The following FGF10 variants were observed in gnomAD, a reference collection of about 807,000 sequenced individuals.
FGF10 encodes the protein fibroblast growth factor 10.
FGF10 carries 2 observed loss-of-function variants against 19.8 expected under a neutral mutation model. That is an observed-to-expected ratio of 0.10 (90% confidence interval 0.04 to 0.32). The LOEUF (loss-of-function observed/expected upper bound fraction) is 0.32, where lower values mean the gene tolerates loss of function less well. FGF10 is among the 10% of genes least tolerant of loss of function. FGF10 has a pLI of 1.00. For synonymous variants in FGF10, 112 were observed against 94.0 expected, an observed-to-expected ratio of 1.19 and a Z score of -1.10; for missense variants, 191 against 246.3, an observed-to-expected ratio of 0.78 and a Z score of 1.50.
rs560392396 is a variant in FGF10, at chr5:44,310,251, T to C, written c.429+176A>G. ...ACTAATGGGTGAACAACAGAGGAGATTACAGAATTGGAAGAGCTGCTTTGC... is the reference window on the plus strand; with the variant it reads ...ACTAATGGGTGAACAACAGAGGAGACTACAGAATTGGAAGAGCTGCTTTGC... On this transcript the variant is annotated intron_variant, in intron 2 of 2. Transcript: ENST00000264664. Among the ~76,000 whole-genome samples, 12 of 152,096 alleles carry C rather than the reference T, an allele frequency of 7.9e-5. No homozygotes were observed. In the East Asian group the frequency reaches 2.1e-3, roughly 27 times the overall value.
intron 1 of FGF10, among the ~76,000 whole-genome samples, chr5:44,311,423 G>T (rs1740208697): frequency 1.3e-5 from 2 of 152,086 alleles, no homozygotes; most frequent in African/African-American, 4.8e-5. Context: ...TCAGGGTAGA[G>T]AAGTAGCATC....
Position 44,303,679 on chromosome 5 carries a change from A to G in FGF10, c.*1316T>C, listed in dbSNP as rs1296841931. Reference sequence around the variant, plus strand: ...GAACTTTGTAAAGCTCTTTAAATTTACAGAAAACAAGTTTTATTTGGTTTT... The same window carrying G: ...GAACTTTGTAAAGCTCTTTAAATTTGCAGAAAACAAGTTTTATTTGGTTTT... On this transcript the variant is annotated 3_prime_UTR_variant, in exon 3 of 3. Transcript: ENST00000264664. 1.3e-5 allele frequency: 2 copies of G among 152,330 alleles called. No individual in the cohort carries two copies. The highest frequency in any genetic ancestry group is 2.4e-5 in the African/African-American group (1 of 41,580). 9.4% of individuals were successfully genotyped at this position (152,330 alleles called of 1,614,324 possible).
intron 1 of FGF10, among the ~76,000 whole-genome samples, chr5:44,332,158 G>C (rs932480940): frequency 6.6e-6 from 1 of 152,094 alleles, no homozygotes; most frequent in Non-Finnish European, 1.5e-5. Context: ...TCTTTGGGTA[G>C]GGATTTTGTT....
intron 1 of FGF10, among the ~76,000 whole-genome samples, chr5:44,362,251 C>T (rs928713498): frequency 2.0e-5 from 3 of 151,720 alleles, no homozygotes; most frequent in Non-Finnish European, 4.4e-5. Flanking sequence ...TTCACAATGT[C>T]CCCAATGTCT....
At chr5:44,315,747 G>A (rs1740331493) in intron 1 of FGF10, among the ~76,000 whole-genome samples, 1 of 152,222 alleles carries the variant, frequency 6.6e-6, no homozygotes, top group Non-Finnish European at 1.5e-5. Flanking sequence ...TGTTGTCAGT[G>A]TCCTAAGTTC....
chr5:44,329,582 C>T (rs966094623), intron 1 of FGF10, among the ~76,000 whole-genome samples: 3 of 152,000 alleles, frequency 2.0e-5, no homozygotes, highest in East Asian at 3.9e-4. Context: ...ACACCTCCAA[C>T]CTAAACTAGA....
chr5:44,337,136 T>A (rs1202928700), intron 1 of FGF10, among the ~76,000 whole-genome samples: 2 of 151,964 alleles, frequency 1.3e-5, no homozygotes, highest in Non-Finnish European at 2.9e-5. Flanking sequence ...GTTATTACAT[T>A]TTTTTTCTAA....
intron 1 of FGF10, among the ~76,000 whole-genome samples, chr5:44,355,263 T>G (rs1405973070): frequency 1.3e-5 from 2 of 151,290 alleles, no homozygotes; most frequent in African/African-American, 4.8e-5. Context: ...CTGATGTATG[T>G]GGCTTCAAAC....
intron 1 of FGF10, among the ~76,000 whole-genome samples, chr5:44,354,960 T>C (rs571514165): frequency 6.6e-6 from 1 of 151,612 alleles, no homozygotes; most frequent in South Asian, 2.1e-4. Flanking sequence ...CCAGTTCCCT[T>C]TTTCATTCAT....
chr5:44,356,496 C>G (rs912143220), intron 1 of FGF10, among the ~76,000 whole-genome samples: 2 of 151,486 alleles, frequency 1.3e-5, no homozygotes, highest in Non-Finnish European at 3.0e-5. Context: ...ACAATTTCAT[C>G]TTGTCTTCTT....
At chr5:44,354,312 T>G (rs928475238) in intron 1 of FGF10, among the ~76,000 whole-genome samples, 1 of 151,482 alleles carries the variant, frequency 6.6e-6, no homozygotes, top group Non-Finnish European at 1.5e-5. Context: ...ATTAATGGCA[T>G]TTCTCACATG....
chr5:44,311,278 A>G (rs1172359784), intron 1 of FGF10, among the ~76,000 whole-genome samples: 2 of 152,112 alleles, frequency 1.3e-5, no homozygotes, highest in African/African-American at 4.8e-5. Flanking sequence ...CTGCATCTAA[A>G]GATAATTTTC....
chr5:44,312,010 T>C (rs1740222334), intron 1 of FGF10, among the ~76,000 whole-genome samples: 1 of 152,056 alleles, frequency 6.6e-6, no homozygotes, highest in Admixed American at 6.6e-5. Context: ...AGACTACATG[T>C]CAGAGACCCT....
intron 1 of FGF10, among the ~76,000 whole-genome samples, chr5:44,320,174 G>A (rs563721487): frequency 3.9e-5 from 6 of 152,272 alleles, no homozygotes; most frequent in Admixed American, 1.3e-4. Context: ...ATAGATGAAC[G>A]TTAGCAGACA....
chr5:44,365,538 T>C lies in FGF10; in HGVS notation c.325+22820A>G, dbSNP rs138844003. Among the ~76,000 whole-genome samples the C allele has an allele frequency of 3.4e-4, 51 of 151,978 alleles. No individual in the cohort carries two copies. In the East Asian group the frequency reaches 4.5e-3, roughly 13 times the overall value. Reference sequence around the variant, plus strand: ...TCTGAGCCATGACTAACACGTACAGTATGCTTGCAATGAAAATGGTTTTTT... The same window carrying C: ...TCTGAGCCATGACTAACACGTACAGCATGCTTGCAATGAAAATGGTTTTTT... On this transcript the variant is annotated intron_variant, in intron 1 of 2. Transcript: ENST00000264664.
At chr5:44,348,970 T>C (rs1741153089) in intron 1 of FGF10, among the ~76,000 whole-genome samples, 1 of 151,566 alleles carries the variant, frequency 6.6e-6, no homozygotes, top group South Asian at 2.1e-4. Flanking sequence ...ACTAGTTGCA[T>C]GGTGAACCAG....
chr5:44,335,925 C>A (rs17234240), intron 1 of FGF10, among the ~76,000 whole-genome samples: 2,803 of 151,968 alleles, frequency 0.018, 79 homozygotes, highest in African/African-American at 0.062. Context: ...AGAGGTCTAA[C>A]AAATAGGACA....
At chr5:44,348,415 T>C (rs1741134767) in intron 1 of FGF10, among the ~76,000 whole-genome samples, 1 of 151,496 alleles carries the variant, frequency 6.6e-6, no homozygotes. Context: ...AAAACAGAAC[T>C]AGGGACAGAA....
intron 1 of FGF10, among the ~76,000 whole-genome samples, chr5:44,366,127 C>CTTTTTTTTTTTTTT (rs35522683): frequency 1.3e-4 from 10 of 74,820 alleles, no homozygotes; most frequent in Non-Finnish European, 1.6e-4. Context: ...CAATTATTTC[C>CTTTTTTTTTTTTTT]TTTTTTTTTT....
Sources: gnomAD v4.1 joint callset for allele counts (sites outside exome capture counted in the v4.1 genomes callset) on GRCh38, gnomAD v4.1.1 for gene constraint, MANE v1.5 for transcripts, NCBI Gene and HGNC (gene_info 2026-07-23, HGNC 2026-07-21) for gene names.